The following KIF21A variants were observed in gnomAD, a reference collection of about 807,000 sequenced individuals.
KIF21A encodes the protein kinesin-like protein KIF21A.
In KIF21A, 114 loss-of-function variants were observed where a neutral mutation model predicts 202.9. The observed-to-expected ratio is 0.56, with a 90% CI of 0.48 to 0.66. KIF21A has a LOEUF of 0.66. Among genes scored for constraint, KIF21A ranks in the 30% least tolerant of loss-of-function variants. KIF21A has a pLI of 0.00. For synonymous variants in KIF21A, 667 were observed against 670.8 expected (o/e 0.99, Z 0.09); for missense variants, 1,677 against 1,994.9 (o/e 0.84, Z 3.04).
intron 11 of KIF21A, among the ~76,000 whole-genome samples, chr12:39,347,899 T>C (rs959472870): frequency 2.6e-5 from 4 of 151,628 alleles, no homozygotes; most frequent in African/African-American, 7.3e-5. Context: ...GAATGGTAAA[T>C]TTTCCTCGTC....
rs199748335 is a variant in KIF21A, at chr12:39,416,763, G to GTA, written c.44+26162_44+26163dup. 1.5e-3 allele frequency among the ~76,000 whole-genome samples: 137 copies of GTA among 88,520 alleles called. 9 individuals carry two copies. Among genetic ancestry groups the GTA allele is most frequent in the South Asian group, 2.6e-3 (6 of 2,282 alleles). 58.1% of individuals were successfully genotyped at this position (88,520 alleles called of 152,430 possible). A position where few individuals can be genotyped will look rare whatever the true frequency, so the allele number is the denominator to read the frequency against. ...TATATATATATGTACATATATATGT[G>GTA]TATATATATATGTACATATATATGT... On this transcript the variant is annotated intron_variant, in intron 1 of 37. Coordinates refer to ENST00000361418, the MANE Select transcript of KIF21A (RefSeq NM_001173464.2).
rs1945412683 is a variant in KIF21A, at chr12:39,322,692, C to T, written c.3647G>A (p.Gly1216Asp). The change falls in exon 27 of 38, where the codon GGC (glycine) becomes GAC (aspartate). Residue 1216 changes from glycine to aspartate, a missense_variant. This residue lies in a region of KIF21A where 705 missense variants were observed against 791.9 expected (regional missense o/e 0.89). Transcript: ENST00000361418. ...CATGCTGCCTATCTTAGAAGGTAAG[C>T]CAGGTGGGGGAGAGAGCTCTTTTTC... ...AREKELSPPP[G>D]LPSKIGSISR... The T allele has an allele frequency of 1.2e-6, 2 of 1,613,666 alleles. No individual in the cohort carries two copies. The highest frequency in any genetic ancestry group is 1.7e-6 in the Non-Finnish European group (2 of 1,179,884).
intron 32 of KIF21A, among the ~76,000 whole-genome samples, 163 bp from the exon 33 acceptor site, chr12:39,309,929 C>T (rs772417405): frequency 4.6e-5 from 7 of 152,214 alleles, no homozygotes; most frequent in African/African-American, 1.7e-4. Context: ...CCCTCTGCAA[C>T]AGGCTCAAAG....
In KIF21A at chr12:39,342,127, A is replaced by G. The variant is rs368505406; in HGVS notation, c.1713-3T>C. 1.2e-5 allele frequency: 19 copies of G among 1,579,192 alleles called. No individual in the cohort carries two copies. In the African/African-American group the frequency reaches 2.0e-4, roughly 17 times the overall value. On this transcript the variant is annotated splice_polypyrimidine_tract_variant and splice_region_variant and intron_variant, in intron 12 of 37. Coordinates refer to ENST00000361418, the MANE Select transcript of KIF21A (RefSeq NM_001173464.2). Reference sequence around the variant, plus strand: ...TATTATCCTCTTTACCAGCCACACTAAAAAAAGGAACATAAGGGTATGGTG... The same window carrying G: ...TATTATCCTCTTTACCAGCCACACTGAAAAAAGGAACATAAGGGTATGGTG...
At chr12:39,331,063 C>G in intron 22 of KIF21A, 152 bp from the exon 23 acceptor site, 1 of 749,138 alleles carries the variant, frequency 1.3e-6, no homozygotes, top group South Asian at 1.6e-5. Context: ...GCTTAGTGAT[C>G]ATGTACAAGT....
rs1939800933 is a variant in KIF21A at position 39,442,616 on chromosome 12, G to A, written c.44+311C>T. On this transcript the variant is annotated intron_variant, in intron 1 of 37. Coordinates refer to ENST00000361418, the MANE Select transcript of KIF21A (RefSeq NM_001173464.2). The surrounding 1 kb of genome is among the most constrained non-coding windows in gnomAD (Gnocchi z 5.0). ...AGACCTGAGGTGACTGATCCCGCGA[G>A]GGGACGGAGGGGAGTGACGAGGGCT... Among the ~76,000 whole-genome samples the A allele has an allele frequency of 1.3e-5, 2 of 152,214 alleles. No individual in the cohort carries two copies. The highest frequency in any genetic ancestry group is 4.1e-4 in the South Asian group (2 of 4,830).
chr12:39,422,381 T>C (rs1205806221), intron 1 of KIF21A, among the ~76,000 whole-genome samples: 2 of 152,216 alleles, frequency 1.3e-5, no homozygotes, highest in Non-Finnish European at 2.9e-5. Flanking sequence ...ACTAGTATTG[T>C]TCTAAATTTT....
At chr12:39,301,456 GA>G in intron 37 of KIF21A, 23 bp downstream of exon 37, 1 of 1,588,990 alleles carries the variant, frequency 6.3e-7, no homozygotes. Context: ...CCAATATAGA[GA>G]AAAATCATAT....
chr12:39,308,703 A>G (rs1253432440), intron 33 of KIF21A, among the ~76,000 whole-genome samples: 1 of 152,164 alleles, frequency 6.6e-6, no homozygotes, highest in African/African-American at 2.4e-5. Context: ...ATATTAAGCC[A>G]TAATCAATCT....
At position 39,294,354 on chromosome 12, in the gene KIF21A, GACA is replaced by G; in HGVS notation, c.*67_*69del. 1.7e-6 allele frequency: 2 copies of G among 1,189,640 alleles called. No homozygotes were observed. The highest frequency in any genetic ancestry group is 1.2e-5 in the South Asian group (1 of 81,534). 73.7% of individuals were successfully genotyped at this position (1,189,640 alleles called of 1,614,324 possible). On this transcript the variant is annotated 3_prime_UTR_variant, in exon 38 of 38. Transcript: ENST00000361418. The stretch of plus-strand genomic sequence containing the variant: ...CATACGTTTTGCCTAGTAAGTACAG[GACA>G]ACATTTTCCATAAAGAATACAGAGT...
In KIF21A at chr12:39,322,681, T is replaced by C. The variant is rs147620197; in HGVS notation, c.3658A>G (p.Lys1220Glu). Reference protein sequence around the residue: ...ELSPPPGLPSKIGSISRQSSL... With the variant: ...ELSPPPGLPSEIGSISRQSSL... ...GGCCAAACTTACATGCTGCCTATCT[T>C]AGAAGGTAAGCCAGGTGGGGGAGAG... The change falls in exon 27 of 38, where the codon AAG (lysine) becomes GAG (glutamate). Residue 1220 changes from lysine to glutamate, a missense_variant. Around this residue, in one of 3 missense-constraint regions of KIF21A, gnomAD observed 705 missense variants for 791.9 expected, o/e 0.89. Coordinates refer to ENST00000361418, the MANE Select transcript of KIF21A (RefSeq NM_001173464.2). 2.5e-6 allele frequency: 4 copies of C among 1,613,962 alleles called. No individual in the cohort carries two copies. The highest frequency in any genetic ancestry group is 2.2e-5 in the South Asian group (2 of 91,084).
chr12:39,325,786 A>G (rs1945837770), intron 26 of KIF21A, 53 bp downstream of exon 26: 1 of 1,245,194 alleles, frequency 8.0e-7, no homozygotes, highest in South Asian at 1.2e-5. Flanking sequence ...TTAAATAGTG[A>G]TAACAAATAA....
intron 1 of KIF21A, among the ~76,000 whole-genome samples, chr12:39,383,522 C>T (rs952845397): frequency 2.0e-5 from 3 of 152,178 alleles, no homozygotes; most frequent in African/African-American, 7.2e-5. Context: ...AATAATTTAT[C>T]GTACCCCTAT....
In KIF21A at chr12:39,322,740, T is replaced by C. The variant is rs1451001972; in HGVS notation, c.3599A>G (p.Glu1200Gly). The C allele has an allele frequency of 6.2e-7, 1 of 1,614,162 alleles. No individual in the cohort carries two copies. The highest frequency in any genetic ancestry group is 2.2e-5 in the East Asian group (1 of 44,880). ...AEGQEIGMNT[E>G]TSGTSAREKE... ...TTCCCTAGCAGAAGTACCACTTGTCTCTGTATTCATTCCAATCTCTTGCCC... is the reference window on the plus strand; with the variant it reads ...TTCCCTAGCAGAAGTACCACTTGTCCCTGTATTCATTCCAATCTCTTGCCC... Residue 1200 changes from glutamate to glycine, a missense_variant, in exon 27 of 38, where the codon GAG becomes GGG. Coordinates refer to ENST00000361418, the MANE Select transcript of KIF21A (RefSeq NM_001173464.2).
intron 10 of KIF21A, among the ~76,000 whole-genome samples, chr12:39,356,193 T>C (rs1200898536): frequency 1.3e-5 from 2 of 152,242 alleles, no homozygotes; most frequent in African/African-American, 4.8e-5. Flanking sequence ...TCCACATTCC[T>C]ACACCAGCAT....
intron 1 of KIF21A, among the ~76,000 whole-genome samples, chr12:39,438,434 C>A (rs1465313450): frequency 2.6e-5 from 4 of 152,146 alleles, no homozygotes; most frequent in Admixed American, 1.3e-4. Context: ...TTTAGGTTGA[C>A]AAACCAGCAT....
chr12:39,404,622 G>A (rs1952439097), intron 1 of KIF21A, among the ~76,000 whole-genome samples: 1 of 152,090 alleles, frequency 6.6e-6, no homozygotes, highest in Non-Finnish European at 1.5e-5. Context: ...ATGCTATTTA[G>A]CATAAATGCC....
intron 7 of KIF21A, among the ~76,000 whole-genome samples, chr12:39,359,662 GCA>G (rs1355930151): frequency 6.6e-6 from 1 of 152,098 alleles, no homozygotes. Context: ...AGAGAATAGA[GCA>G]ACTTGAAGTG....
intron 1 of KIF21A, among the ~76,000 whole-genome samples, chr12:39,374,583 G>C (rs1950150631): frequency 6.6e-6 from 1 of 152,142 alleles, no homozygotes; most frequent in Non-Finnish European, 1.5e-5. Context: ...TTTGAAGACA[G>C]AGAATATATC....
Sources: gnomAD v4.1 joint callset for allele counts (sites outside exome capture counted in the v4.1 genomes callset) on GRCh38, gnomAD v4.1.1 for gene constraint, gnomAD v4.1.1 regional missense constraint, Gnocchi (gnomAD v3.1) non-coding constraint, MANE v1.5 for transcripts, NCBI Gene and HGNC (gene_info 2026-07-23, HGNC 2026-07-21) for gene names.